CEP63: variants seen among roughly 807,000 people sequenced by gnomAD.
The protein encoded by CEP63 is centrosomal protein of 63 kDa.
A neutral mutation model predicts 89.1 loss-of-function variants in CEP63; 84 were observed. That is an observed-to-expected ratio of 0.94 (90% CI 0.79 to 1.13). The LOEUF (loss-of-function observed/expected upper bound fraction) is 1.13, where lower values mean the gene tolerates loss of function less well. Ranked by LOEUF, CEP63 falls within the 50% of genes most tolerant of loss-of-function variation. The pLI is 0.00. For synonymous variants in CEP63, 267 were observed against 272.5 expected, an observed-to-expected ratio of 0.98 and a Z score of 0.20; for missense variants, 838 against 813.3, an observed-to-expected ratio of 1.03 and a Z score of -0.37.
the CEP63 span, among the ~76,000 whole-genome samples, chr3:134,601,845 A>G: frequency 6.6e-6 from 1 of 152,254 alleles, no homozygotes; most frequent in Non-Finnish European, 1.5e-5. Flanking sequence ...GATAATGAAC[A>G]GAAGTGTCTG....
the CEP63 span, chr3:134,647,313 C>T: frequency 2.6e-6 from 2 of 779,388 alleles, no homozygotes; most frequent in South Asian, 1.6e-5. Context: ...GGGTCAGGAG[C>T]AGCCACTTTC....
chr3:134,651,081 C>A, the CEP63 span: 1 of 1,528,568 alleles, frequency 6.5e-7, no homozygotes. Context: ...AGAGGGCGCT[C>A]CCCCGCCGCT....
At chr3:134,500,817 G>T (rs1941765778) in intron 2 of CEP63, among the ~76,000 whole-genome samples, 1 of 151,548 alleles carries the variant, frequency 6.6e-6, no homozygotes, top group East Asian at 1.9e-4. Flanking sequence ...TTTTTTTTCT[G>T]TGCAGAAGCT....
chr3:134,623,533 G>T, the CEP63 span, among the ~76,000 whole-genome samples: 1 of 151,722 alleles, frequency 6.6e-6, no homozygotes, highest in African/African-American at 2.4e-5. Flanking sequence ...TTTCCTGGCT[G>T]CTCCATGCCC....
At chr3:134,740,140 C>T in the CEP63 span, among the ~76,000 whole-genome samples, 2 of 152,166 alleles carry the variant, frequency 1.3e-5, no homozygotes, top group African/African-American at 4.8e-5. Context: ...ACATTCCTGC[C>T]TTCCAGGTGC....
the CEP63 span, among the ~76,000 whole-genome samples, chr3:134,645,952 G>A: frequency 6.6e-6 from 1 of 152,196 alleles, no homozygotes; most frequent in African/African-American, 2.4e-5. Flanking sequence ...ATCCTCTCCT[G>A]ATGTAATAAC....
At chr3:134,522,849 T>G (rs748155968) in intron 3 of CEP63, among the ~76,000 whole-genome samples, 3 of 152,216 alleles carry the variant, frequency 2.0e-5, no homozygotes, top group Admixed American at 6.5e-5. Flanking sequence ...TTGTGAATAG[T>G]GCTGCGGTGA....
At chr3:134,705,401 A>T in the CEP63 span, among the ~76,000 whole-genome samples, 1 of 152,202 alleles carries the variant, frequency 6.6e-6, no homozygotes, top group Non-Finnish European at 1.5e-5. Flanking sequence ...GTCTCACCAG[A>T]GCAAGAACTC....
intron 12 of CEP63, among the ~76,000 whole-genome samples, chr3:134,555,771 T>C (rs1416487672): frequency 2.0e-5 from 3 of 150,924 alleles, no homozygotes; most frequent in Admixed American, 2.0e-4. Flanking sequence ...TGGAAAAAAC[T>C]ACTTTAAAGT....
chr3:134,611,354 C>G, the CEP63 span, among the ~76,000 whole-genome samples: 1 of 152,156 alleles, frequency 6.6e-6, no homozygotes, highest in Non-Finnish European at 1.5e-5. Context: ...GGCACCAGTC[C>G]AAGGCCAAAG....
chr3:134,618,992 AG>A, the CEP63 span, among the ~76,000 whole-genome samples: 2 of 152,220 alleles, frequency 1.3e-5, no homozygotes, highest in Non-Finnish European at 1.5e-5. Context: ...GGTGTTAAAA[AG>A]GGAGAAATTG....
At chr3:134,588,666 G>A (rs571359118), downstream of CEP63, among the ~76,000 whole-genome samples, 1 of 151,930 alleles carries the variant, frequency 6.6e-6, no homozygotes, top group African/African-American at 2.4e-5. Context: ...ATTTTAAAAA[G>A]GTAAGAAAGA....
chr3:134,613,540 A>G, the CEP63 span, among the ~76,000 whole-genome samples: 15 of 152,328 alleles, frequency 9.8e-5, no homozygotes, highest in African/African-American at 3.6e-4. Context: ...TGACCTTGCC[A>G]GGCTTATCAT....
chr3:134,621,472 T>C, the CEP63 span, among the ~76,000 whole-genome samples: 1 of 152,338 alleles, frequency 6.6e-6, no homozygotes, highest in East Asian at 1.9e-4. Flanking sequence ...GGGGAAAGAA[T>C]AGTCTCTTTT....
the CEP63 span, among the ~76,000 whole-genome samples, chr3:134,682,330 T>C: frequency 6.6e-6 from 1 of 152,128 alleles, no homozygotes; most frequent in Non-Finnish European, 1.5e-5. Flanking sequence ...GAAATGAGTC[T>C]GCAATCGTAC....
downstream of CEP63, among the ~76,000 whole-genome samples, chr3:134,577,672 T>C (rs975762639): frequency 6.6e-6 from 1 of 152,066 alleles, no homozygotes; most frequent in Non-Finnish European, 1.5e-5. Context: ...GTTACACAGG[T>C]ATACATGTGC....
the CEP63 span, among the ~76,000 whole-genome samples, chr3:134,683,375 G>A: frequency 6.6e-6 from 1 of 152,104 alleles, no homozygotes; most frequent in Admixed American, 6.5e-5. Flanking sequence ...TAGGAGATTG[G>A]GTCCAACATC....
chr3:134,551,874 A>T (rs1016796534), intron 11 of CEP63, 52 bp from the exon 12 acceptor site: 14 of 1,203,648 alleles, frequency 1.2e-5, no homozygotes, highest in Non-Finnish European at 1.1e-5. Context: ...ATTTTGTAAG[A>T]TGCATGTGAT....
rs1328559571 is a variant in CEP63 at position 134,563,158 on chromosome 3, T to A, written c.*1623T>A. ...TTTGCCAGTTCCTAGGAGTTACTTATAATTCCTTCCTTACCCACATCCGCA... is the reference window on the plus strand; with the variant it reads ...TTTGCCAGTTCCTAGGAGTTACTTAAAATTCCTTCCTTACCCACATCCGCA... On this transcript the variant is annotated 3_prime_UTR_variant, in exon 15 of 15. Coordinates refer to ENST00000675561, the MANE Select transcript of CEP63 (RefSeq NM_001353108.3). 1.3e-5 allele frequency: 2 copies of A among 152,232 alleles called. No homozygotes were observed. The highest frequency in any genetic ancestry group is 2.9e-5 in the Non-Finnish European group (2 of 68,048). 9.4% of individuals were successfully genotyped at this position (152,232 alleles called of 1,614,324 possible).
Sources: allele counts gnomAD v4.1 joint callset (sites outside exome capture counted in the v4.1 genomes callset), GRCh38; gene constraint gnomAD v4.1.1; transcripts MANE v1.5; gene names NCBI Gene and HGNC (gene_info 2026-07-23, HGNC 2026-07-21).